B3GNT3: variants seen among roughly 807,000 people sequenced by gnomAD.
The protein encoded by B3GNT3 is UDP-GlcNAc:betaGal beta-1,3-N-acetylglucosaminyltransferase 3, also known as N-acetyllactosaminide beta-1,3-N-acetylglucosaminyltransferase 3.
A neutral mutation model predicts 11.6 loss-of-function variants in B3GNT3; 7 were observed. That is an observed-to-expected ratio of 0.60 (90% confidence interval 0.34 to 1.13). The LOEUF is 1.13. B3GNT3 is among the 50% of genes most tolerant of loss of function. The pLI is 0.03. For synonymous variants in B3GNT3, 201 were observed against 222.1 expected, an observed-to-expected ratio of 0.90 and a Z score of 0.85; for missense variants, 400 against 507.4, an observed-to-expected ratio of 0.79 and a Z score of 2.03.
intron 2 of B3GNT3, among the ~76,000 whole-genome samples, chr19:17,809,729 A>G (rs990244516): frequency 7.2e-5 from 11 of 151,802 alleles, no homozygotes; most frequent in Non-Finnish European, 1.3e-4. Flanking sequence ...GATTACAGGT[A>G]TGAGCCACCA....
rs2094180356 is a variant in B3GNT3 at position 17,811,298 on chromosome 19, T to C, written c.568-273T>C. On this transcript the variant is annotated intron_variant, in intron 2 of 2. Coordinates refer to ENST00000318683, the MANE Select transcript of B3GNT3 (RefSeq NM_014256.4). This position sits in a 1 kb window ranked among gnomAD's most constrained non-coding sequence, Gnocchi z 4.1. ...TGGAAGGAATAGCAATACATGTAAA[T>C]GTAACAATTTTCCAGCATTTCTTGG... Among the ~76,000 whole-genome samples the C allele has an allele frequency of 6.6e-6, 1 of 152,090 alleles. No homozygotes were observed. The highest frequency in any genetic ancestry group is 2.1e-4 in the South Asian group (1 of 4,824).
intron 1 of B3GNT3, among the ~76,000 whole-genome samples, chr19:17,801,269 T>C (rs2094165874): frequency 6.6e-6 from 1 of 152,008 alleles, no homozygotes; most frequent in African/African-American, 2.4e-5. Context: ...CATGGCTCAC[T>C]GCAGCCTTGA....
intron 1 of B3GNT3, among the ~76,000 whole-genome samples, chr19:17,796,759 T>C (rs894379521): frequency 6.6e-6 from 1 of 152,112 alleles, no homozygotes; most frequent in Non-Finnish European, 1.5e-5. Context: ...AAGGGGGCCT[T>C]GGTGCTTCTC....
intron 1 of B3GNT3, among the ~76,000 whole-genome samples, chr19:17,805,123 T>TTTA (rs2094171559): frequency 6.7e-6 from 1 of 149,484 alleles, no homozygotes; most frequent in East Asian, 2.0e-4. Flanking sequence ...TTTTTTTTTT[T>TTTA]AATGACAGTC....
chr19:17,798,660 G>A (rs1335412624), intron 1 of B3GNT3, among the ~76,000 whole-genome samples: 3 of 151,320 alleles, frequency 2.0e-5, no homozygotes, highest in African/African-American at 7.3e-5. Context: ...AACAGAGTGC[G>A]GCTCTGTCTC....
chr19:17,807,397 C>A (rs1369301811), intron 1 of B3GNT3, among the ~76,000 whole-genome samples: 2 of 150,982 alleles, frequency 1.3e-5, no homozygotes, highest in African/African-American at 4.9e-5. Context: ...GAGGCTGAGG[C>A]AGGAGGATCG....
intron 1 of B3GNT3, among the ~76,000 whole-genome samples, chr19:17,801,297 A>T (rs966990897): frequency 4.0e-5 from 6 of 151,158 alleles, no homozygotes; most frequent in African/African-American, 1.5e-4. Context: ...GGCTCAAGCG[A>T]TCCTCCCACC....
intron 1 of B3GNT3, among the ~76,000 whole-genome samples, chr19:17,797,979 G>C (rs990953187): frequency 1.3e-5 from 2 of 152,128 alleles, no homozygotes; most frequent in African/African-American, 2.4e-5. Flanking sequence ...CCACCAACCC[G>C]CCCTGGCCTC....
At chr19:17,806,472 C>A (rs1389413114) in intron 1 of B3GNT3, among the ~76,000 whole-genome samples, 1 of 152,088 alleles carries the variant, frequency 6.6e-6, no homozygotes, top group Non-Finnish European at 1.5e-5. Context: ...CATGCACGTT[C>A]ACGGATATTC....
At chr19:17,796,474 C>G (rs1276493223) in intron 1 of B3GNT3, among the ~76,000 whole-genome samples, 1 of 152,208 alleles carries the variant, frequency 6.6e-6, no homozygotes, top group Non-Finnish European at 1.5e-5. Context: ...CAGTCCAGAT[C>G]TGGGATTCAG....
At chr19:17,797,332 C>A (rs2094160563) in intron 1 of B3GNT3, among the ~76,000 whole-genome samples, 2 of 152,130 alleles carry the variant, frequency 1.3e-5, no homozygotes, top group East Asian at 1.9e-4. Flanking sequence ...AGAGCTCTGA[C>A]CAGCCTGAAG....
chr19:17,799,039 G>C (rs1039344214), intron 1 of B3GNT3, among the ~76,000 whole-genome samples: 1 of 152,122 alleles, frequency 6.6e-6, no homozygotes, highest in African/African-American at 2.4e-5. Flanking sequence ...AAAGGCCACT[G>C]CTTGGAGCTA....
At position 17,807,962 on chromosome 19, in the gene B3GNT3, C is replaced by CCCG; in HGVS notation, c.155_156insCCG (p.Pro52_Pro53insArg). The CCCG allele has an allele frequency of 6.2e-7, 1 of 1,608,740 alleles. No homozygotes were observed. The highest frequency in any genetic ancestry group is 1.1e-5 in the South Asian group (1 of 90,648). On this transcript the variant is annotated inframe_insertion, in exon 2 of 3. Transcript: ENST00000318683. ...CCCGAGGCCCTGGCCTGGCCCACTC[C>CCCG]ACCCACCCGCCCAGCCCCGGCCCCG...
At position 17,811,388 on chromosome 19, in the gene B3GNT3, T is replaced by G. The variant is rs1350345965; in HGVS notation, c.568-183T>G. On this transcript the variant is annotated intron_variant, in intron 2 of 2. Transcript: ENST00000318683. This position sits in a 1 kb window ranked among gnomAD's most constrained non-coding sequence, Gnocchi z 4.1. ...CCTAGAGGCACATGATAAGGCCTGT[T>G]TGGAGAGTTGAAACCAAGGCACAGA... 6.6e-6 allele frequency among the ~76,000 whole-genome samples: 1 copy of G among 152,090 alleles called. No homozygotes were observed. Among genetic ancestry groups the G allele is most frequent in the African/African-American group, 2.4e-5 (1 of 41,418 alleles).
At position 17,803,274 on chromosome 19, in the gene B3GNT3, G is replaced by T. The variant is rs773868154; in HGVS notation, c.-50-4484G>T. On this transcript the variant is annotated intron_variant, in intron 1 of 2. Coordinates refer to ENST00000318683, the MANE Select transcript of B3GNT3 (RefSeq NM_014256.4). Reference sequence around the variant, plus strand: ...GCCCTCCTTGACCTCCCAAAGTACCGGGATTACAGACGTGGGCCACAGCTC... The same window carrying T: ...GCCCTCCTTGACCTCCCAAAGTACCTGGATTACAGACGTGGGCCACAGCTC... 1.8e-4 allele frequency among the ~76,000 whole-genome samples: 27 copies of T among 152,136 alleles called. 1 individual carries two copies. Among genetic ancestry groups the T allele is most frequent in the Non-Finnish European group, 1.9e-4 (13 of 68,024 alleles).
rs1263258852 is a variant in B3GNT3 at position 17,807,887 on chromosome 19, T to G, written c.80T>G (p.Leu27Arg). The G allele has an allele frequency of 6.2e-7, 1 of 1,613,550 alleles. No homozygotes were observed. The highest frequency in any genetic ancestry group is 1.6e-4 in the Middle Eastern group (1 of 6,062). ...IGAFTLLLFS[L>R]LVSPPTCKVQ... ...GCTTTCACCCTCCTCCTCTTCAGTC[T>G]GCTAGTGTCACCACCCACCTGCAAG... The change falls in exon 2 of 3, where the codon CTG becomes CGG. Residue 27 changes from leucine (L) to arginine (R), a missense_variant. Physicochemically the swap from Leu to Arg is moderately radical, Grantham distance 102. Coordinates refer to ENST00000318683, the MANE Select transcript of B3GNT3 (RefSeq NM_014256.4).
chr19:17,804,700 A>G (rs1239913999), intron 1 of B3GNT3, among the ~76,000 whole-genome samples: 1 of 150,648 alleles, frequency 6.6e-6, no homozygotes, highest in Non-Finnish European at 1.5e-5. Flanking sequence ...ATGAGCCACC[A>G]CGCCCTGCTA....
At chr19:17,805,288 G>A (rs549482301) in intron 1 of B3GNT3, among the ~76,000 whole-genome samples, 1 of 151,786 alleles carries the variant, frequency 6.6e-6, no homozygotes. Context: ...GGGTAGAGAT[G>A]GGGTTTCACC....
At chr19:17,805,738 G>C (rs1285284380) in intron 1 of B3GNT3, among the ~76,000 whole-genome samples, 1 of 152,096 alleles carries the variant, frequency 6.6e-6, no homozygotes, top group Non-Finnish European at 1.5e-5. Context: ...AGGTTGCTCA[G>C]GTCCCCTGTG....
Sources: allele counts gnomAD v4.1 joint callset (sites outside exome capture counted in the v4.1 genomes callset), GRCh38; gene constraint gnomAD v4.1.1; non-coding constraint Gnocchi (gnomAD v3.1); transcripts MANE v1.5; gene names NCBI Gene and HGNC (gene_info 2026-07-23, HGNC 2026-07-21).